The following SLC1A2 variants were observed in gnomAD, a reference collection of about 807,000 sequenced individuals.
SLC1A2 encodes solute carrier family 1 member 2.
A neutral mutation model predicts 48.8 loss-of-function variants in SLC1A2; 15 were observed. That is an observed-to-expected ratio of 0.31 (90% CI 0.21 to 0.47). SLC1A2 has a LOEUF of 0.47. Among genes scored for constraint, SLC1A2 ranks in the 20% least tolerant of loss-of-function variants. The pLI, the probability that SLC1A2 is intolerant of heterozygous loss-of-function variation, is 0.99. For synonymous variants in SLC1A2, 279 were observed against 272.6 expected, an observed-to-expected ratio of 1.02 and a Z score of -0.23; for missense variants, 502 against 730.5, an observed-to-expected ratio of 0.69 and a Z score of 3.61.
intron 7 of SLC1A2, among the ~76,000 whole-genome samples, chr11:35,289,924 G>T (rs1046485132): frequency 6.6e-6 from 1 of 152,104 alleles, no homozygotes; most frequent in Non-Finnish European, 1.5e-5. Context: ...AGGAAGGGAC[G>T]AATACCTCAA....
intron 4 of SLC1A2, chr11:35,306,912 T>C (rs1774628308): frequency 6.6e-6 from 1 of 152,262 alleles, no homozygotes; most frequent in African/African-American, 2.4e-5. Context: ...GTACTATAAG[T>C]ACTGTAGTCA....
intron 1 of SLC1A2, among the ~76,000 whole-genome samples, chr11:35,393,522 C>A (rs900121368): frequency 5.3e-5 from 8 of 152,198 alleles, no homozygotes; most frequent in Admixed American, 4.6e-4. Flanking sequence ...CAGTGTGTGG[C>A]ATCTGACACC....
chr11:35,292,187 T>C (rs1389622654), intron 7 of SLC1A2, 100 bp downstream of exon 7: 1 of 825,864 alleles, frequency 1.2e-6, no homozygotes, highest in East Asian at 2.4e-5. Context: ...GTGCCAAGTG[T>C]TCTTATTGAA....
intron 1 of SLC1A2, among the ~76,000 whole-genome samples, chr11:35,384,074 T>C (rs112288607): frequency 0.017 from 2,613 of 152,290 alleles, 76 homozygotes; most frequent in African/African-American, 0.059. Context: ...CAGCCAGGAC[T>C]TTTTTGGTTG....
chr11:35,321,795 C>T lies in SLC1A2; in HGVS notation c.18-4279G>A, dbSNP rs375382358. ...AGTCCACCGGATACACAGTAAGTCA[C>T]GTCCAGTGGGCACGCTTACCCCTTT... On this transcript the variant is annotated intron_variant, in intron 1 of 10. Transcript: ENST00000278379. Among the ~76,000 whole-genome samples the T allele has an allele frequency of 4.6e-5, 7 of 152,230 alleles. No individual in the cohort carries two copies. The East Asian group carries it at 9.7e-4, about 21-fold the overall frequency.
At chr11:35,290,981 G>A (rs182065470) in intron 7 of SLC1A2, among the ~76,000 whole-genome samples, 141 of 152,168 alleles carry the variant, frequency 9.3e-4, no homozygotes, top group African/African-American at 3.2e-3. Flanking sequence ...CTGTTAGGTC[G>A]CTTAAGGGAA....
chr11:35,381,913 A>C (rs1854434976), intron 1 of SLC1A2, among the ~76,000 whole-genome samples: 1 of 152,212 alleles, frequency 6.6e-6, no homozygotes, highest in African/African-American at 2.4e-5. Flanking sequence ...CCTTCCACTG[A>C]GTGAAGTGAC....
At chr11:35,322,561 C>A in intron 1 of SLC1A2, 1 of 1,518,016 alleles carries the variant, frequency 6.6e-7, no homozygotes, top group South Asian at 1.2e-5. Context: ...CTTCACCCAC[C>A]TGTCCTTCCA....
At chr11:35,327,412 T>C (rs1286659748) in intron 1 of SLC1A2, among the ~76,000 whole-genome samples, 1 of 152,222 alleles carries the variant, frequency 6.6e-6, no homozygotes, top group Admixed American at 6.5e-5. Flanking sequence ...TTTGGGAACA[T>C]GTAAACATCT....
chr11:35,290,670 C>A (rs1214756341), intron 7 of SLC1A2, among the ~76,000 whole-genome samples: 1 of 146,900 alleles, frequency 6.8e-6, no homozygotes, highest in African/African-American at 2.5e-5. Context: ...GTATGAGATA[C>A]CAGGCTTATA....
intron 1 of SLC1A2, among the ~76,000 whole-genome samples, chr11:35,333,284 G>A (rs1852490203): frequency 6.6e-6 from 1 of 152,004 alleles, no homozygotes; most frequent in Admixed American, 6.6e-5. Flanking sequence ...AGGTGTGGTG[G>A]TGCATGCCTG....
chr11:35,366,176 C>T (rs1273629601), intron 1 of SLC1A2, among the ~76,000 whole-genome samples: 8 of 152,160 alleles, frequency 5.3e-5, no homozygotes, highest in Admixed American at 3.9e-4. Flanking sequence ...ATTGCTGCAC[C>T]TCTGTGGGAG....
At chr11:35,285,679 A>G (rs568032036) in intron 8 of SLC1A2, 1 of 152,406 alleles carries the variant, frequency 6.6e-6, no homozygotes, top group East Asian at 1.9e-4. Flanking sequence ...CAGGCCAGGC[A>G]TAAGTAATAG....
intron 1 of SLC1A2, among the ~76,000 whole-genome samples, chr11:35,324,790 T>C (rs1852187461): frequency 6.6e-6 from 1 of 152,030 alleles, no homozygotes; most frequent in South Asian, 2.1e-4. Flanking sequence ...GTGAAATCCT[T>C]CCCCAGGCAG....
At chr11:35,288,141 C>T (rs184570745) in intron 7 of SLC1A2, among the ~76,000 whole-genome samples, 20 of 152,246 alleles carry the variant, frequency 1.3e-4, no homozygotes, top group Admixed American at 2.6e-4. Context: ...ATTCCAGGGC[C>T]TATCCAGAAC....
intron 1 of SLC1A2, among the ~76,000 whole-genome samples, chr11:35,350,786 T>C (rs1853222736): frequency 1.3e-5 from 2 of 152,246 alleles, no homozygotes; most frequent in Non-Finnish European, 2.9e-5. Context: ...AGATTGGAGC[T>C]GCTTGTTGGT....
chr11:35,354,755 C>T (rs1313375430), intron 1 of SLC1A2, among the ~76,000 whole-genome samples: 1 of 152,158 alleles, frequency 6.6e-6, no homozygotes, highest in Non-Finnish European at 1.5e-5. Context: ...TACCCCCAAC[C>T]GCCCGCATCC....
rs1257698577 is a variant in SLC1A2 at position 35,255,027 on chromosome 11, T to A, written c.*5867A>T. The A allele has an allele frequency of 3.4e-6, 1 of 293,918 alleles. No homozygotes were observed. The highest frequency in any genetic ancestry group is 2.2e-5 in the African/African-American group (1 of 44,748). The allele number at this position is 293,918 out of a possible 1,614,324, so 18.2% of individuals were successfully genotyped here. A position where few individuals can be genotyped will look rare whatever the true frequency, so the allele number is the denominator to read the frequency against. ...TTGTGTTTATCTTGCTGCCCTTGCA[T>A]CAGGTTTTTTGCACTAATGGAAAAA... On this transcript the variant is annotated 3_prime_UTR_variant, in exon 11 of 11. Transcript: ENST00000278379.
Position 35,257,046 on chromosome 11 carries a change from G to A in SLC1A2, c.*3848C>T, listed in dbSNP as rs1023247458. ...CTTTTGCTATTGAGAGCAAAGGGAC[G>A]TGTAGTATTTGCAAAAACATGGCAG... On this transcript the variant is annotated 3_prime_UTR_variant, in exon 11 of 11. Coordinates refer to ENST00000278379, the MANE Select transcript of SLC1A2 (RefSeq NM_004171.4). 6.6e-6 allele frequency: 1 copy of A among 152,174 alleles called. No homozygotes were observed. The highest frequency in any genetic ancestry group is 2.4e-5 in the African/African-American group (1 of 41,446). The allele number at this position is 152,174 out of a possible 1,614,324, so 9.4% of individuals were successfully genotyped here.
Sources: allele counts gnomAD v4.1 joint callset (sites outside exome capture counted in the v4.1 genomes callset), GRCh38; gene constraint gnomAD v4.1.1; transcripts MANE v1.5; gene names NCBI Gene and HGNC (gene_info 2026-07-23, HGNC 2026-07-21).